The following KAZN variants were observed in gnomAD, a reference collection of about 807,000 sequenced individuals.
KAZN encodes the protein kazrin.
Under a neutral mutation model 87.4 loss-of-function variants are expected in KAZN, and 40 were observed. The ratio of observed to expected loss-of-function variants is 0.46; its 90% CI spans 0.36 to 0.60. KAZN has a LOEUF of 0.60. KAZN is among the 20% of genes least tolerant of loss of function. KAZN has a pLI of 0.00. For missense variants in KAZN, 898 were observed against 1,073.9 expected (o/e 0.84, Z 2.29); for synonymous variants, 466 against 458.3 (o/e 1.02, Z -0.22).
At chr1:14,746,544 C>G (rs1175768480) in intron 1 of KAZN, among the ~76,000 whole-genome samples, 2 of 151,590 alleles carry the variant, frequency 1.3e-5, no homozygotes, top group Non-Finnish European at 2.9e-5. Flanking sequence ...GCCAGATGAT[C>G]CGGGAAGGCT....
intron 1 of KAZN, among the ~76,000 whole-genome samples, chr1:14,922,904 G>A (rs1034896820): frequency 2.0e-5 from 3 of 152,190 alleles, no homozygotes; most frequent in Non-Finnish European, 4.4e-5. Context: ...GGGGCGGGGG[G>A]AAGCTGGGAA....
intron 2 of KAZN, among the ~76,000 whole-genome samples, chr1:14,209,427 G>A (rs572374588): frequency 6.6e-6 from 1 of 152,312 alleles, no homozygotes; most frequent in African/African-American, 2.4e-5. Context: ...CTCCATTTCA[G>A]TAAGTAAAAC....
At chr1:14,396,894 C>T (rs1311898792) in intron 2 of KAZN, among the ~76,000 whole-genome samples, 1 of 101,886 alleles carries the variant, frequency 9.8e-6, no homozygotes, top group Non-Finnish European at 2.0e-5. Context: ...TTTCTCTGCT[C>T]TATGAGTTTT....
chr1:14,947,739 C>T (rs1197999519), intron 1 of KAZN, among the ~76,000 whole-genome samples: 1 of 152,196 alleles, frequency 6.6e-6, no homozygotes, highest in African/African-American at 2.4e-5. Flanking sequence ...TAGCACTTCT[C>T]CCATGGGGTT....
At chr1:14,532,046 C>T (rs1231306465) in intron 2 of KAZN, among the ~76,000 whole-genome samples, 2 of 152,000 alleles carry the variant, frequency 1.3e-5, no homozygotes, top group Non-Finnish European at 2.9e-5. Flanking sequence ...AATGGATTCC[C>T]GGCTTAAGAC....
intron 1 of KAZN, among the ~76,000 whole-genome samples, chr1:13,926,722 G>GCACAAAT (rs1254570411): frequency 1.3e-5 from 2 of 151,826 alleles, no homozygotes; most frequent in Non-Finnish European, 2.9e-5. Flanking sequence ...ATTTTCCCAA[G>GCACAAAT]CACAAATCAG....
chr1:14,397,352 T>TTC (rs1662985529), intron 2 of KAZN, among the ~76,000 whole-genome samples: 1 of 152,224 alleles, frequency 6.6e-6, no homozygotes, highest in Non-Finnish European at 1.5e-5. Flanking sequence ...GATGGCCTCC[T>TTC]TCTCATTGTG....
intron 1 of KAZN, among the ~76,000 whole-genome samples, chr1:14,756,438 T>C (rs1290188020): frequency 6.6e-6 from 1 of 152,246 alleles, no homozygotes; most frequent in African/African-American, 2.4e-5. Flanking sequence ...AATGTGATTG[T>C]CACTCCAGCA....
intron 1 of KAZN, among the ~76,000 whole-genome samples, chr1:14,164,866 A>C (rs151244158): frequency 3.2e-4 from 48 of 152,220 alleles, no homozygotes; most frequent in African/African-American, 1.1e-3. Context: ...AGGCGGACTC[A>C]TTGTTGGGAA....
At position 14,353,224 on chromosome 1, in the gene KAZN, A is replaced by G. The variant is rs926638144; in HGVS notation, c.249+172632A>G. On this transcript the variant is annotated intron_variant, in intron 2 of 16. Transcript: ENST00000636203. ...TAAAGCTGTCACTACAGATGACATCACTTTTTTTTTTTTTTTTTGAGACGG... is the reference window on the plus strand; with the variant it reads ...TAAAGCTGTCACTACAGATGACATCGCTTTTTTTTTTTTTTTTTGAGACGG... Among the ~76,000 whole-genome samples the G allele has an allele frequency of 1.4e-4, 19 of 138,048 alleles. No homozygotes were observed. The East Asian group carries it at 3.5e-3, about 26-fold the overall frequency. 90.6% of individuals were successfully genotyped at this position (138,048 alleles called of 152,430 possible).
At chr1:14,902,827 G>C (rs1413722027) in intron 1 of KAZN, among the ~76,000 whole-genome samples, 1 of 151,462 alleles carries the variant, frequency 6.6e-6, no homozygotes, top group Non-Finnish European at 1.5e-5. Context: ...AATTGTCCTT[G>C]TAGACACATA....
At chr1:14,493,056 G>T (rs1669761285) in intron 2 of KAZN, among the ~76,000 whole-genome samples, 1 of 151,974 alleles carries the variant, frequency 6.6e-6, no homozygotes, top group African/African-American at 2.4e-5. Context: ...CCTCTCTCAG[G>T]CCTGTTGGAA....
chr1:14,983,343 C>T (rs981419662), intron 2 of KAZN, among the ~76,000 whole-genome samples: 10 of 152,124 alleles, frequency 6.6e-5, no homozygotes, highest in East Asian at 1.9e-4. Context: ...TGGAAGTGGG[C>T]GCAGTAGATT....
chr1:14,164,681 T>G (rs886720957), intron 1 of KAZN, among the ~76,000 whole-genome samples: 2 of 151,924 alleles, frequency 1.3e-5, no homozygotes, highest in Admixed American at 6.6e-5. Flanking sequence ...GCCAGGATTA[T>G]AGGCATGCAC....
intron 8 of KAZN, among the ~76,000 whole-genome samples, chr1:15,083,186 T>C (rs1640088041): frequency 6.6e-6 from 1 of 152,212 alleles, no homozygotes; most frequent in East Asian, 1.9e-4. Context: ...CACCTTTCCT[T>C]GCTCTGGATG....
intron 2 of KAZN, among the ~76,000 whole-genome samples, chr1:14,410,592 T>C (rs1664225852): frequency 6.6e-6 from 1 of 152,086 alleles, no homozygotes; most frequent in African/African-American, 2.4e-5. Flanking sequence ...CCTTCACAGA[T>C]GTGAAAAAGT....
chr1:14,978,557 C>A (rs1008289621), intron 2 of KAZN, among the ~76,000 whole-genome samples: 4 of 152,142 alleles, frequency 2.6e-5, no homozygotes. Context: ...CAGTCTTCTT[C>A]TTTGTTCGTT....
intron 2 of KAZN, among the ~76,000 whole-genome samples, chr1:15,016,218 G>A (rs1306538470): frequency 7.2e-5 from 11 of 152,188 alleles, no homozygotes; most frequent in Admixed American, 7.2e-4. Context: ...AGCTGGAGGA[G>A]ACTTTGAAGG....
At chr1:14,998,129 T>A (rs1668084890) in intron 2 of KAZN, among the ~76,000 whole-genome samples, 1 of 149,666 alleles carries the variant, frequency 6.7e-6, no homozygotes, top group Admixed American at 6.7e-5. Context: ...CCCCAGAAGC[T>A]CCTCAGCTGG....
Sources: gnomAD v4.1 joint callset for allele counts (sites outside exome capture counted in the v4.1 genomes callset) on GRCh38, gnomAD v4.1.1 for gene constraint, MANE v1.5 for transcripts, NCBI Gene and HGNC (gene_info 2026-07-23, HGNC 2026-07-21) for gene names.